Variants in SOAT1 observed in about 807,000 individuals in gnomAD.
SOAT1 encodes acyl-coenzyme A:cholesterol acyltransferase 1.
A neutral mutation model predicts 69.5 loss-of-function variants in SOAT1; 55 were observed. The observed-to-expected ratio is 0.79, with a 90% CI of 0.64 to 0.99. SOAT1 has a LOEUF of 0.99. Among genes scored for constraint, SOAT1 ranks in the 50% least tolerant of loss-of-function variants. The probability of loss-of-function intolerance (pLI) is 0.00; values close to 1 mark genes in which losing one functional copy is unlikely to be tolerated. For synonymous variants in SOAT1, 231 were observed against 224.7 expected (o/e 1.03, Z -0.25); for missense variants, 580 against 669.3 (o/e 0.87, Z 1.47).
chr1:179,335,475 C>A (rs1666114556), intron 3 of SOAT1, 31 bp from the exon 4 acceptor site: 4 of 1,588,532 alleles, frequency 2.5e-6, no homozygotes, highest in Admixed American at 1.7e-5. Flanking sequence ...TGTATTAGTT[C>A]CCCATCTTTT....
At chr1:179,352,663 C>T (rs1666777929) in intron 15 of SOAT1, among the ~76,000 whole-genome samples, 1 of 128,594 alleles carries the variant, frequency 7.8e-6, no homozygotes. Context: ...CTACAACCTT[C>T]CAGGTTTGGA....
At chr1:179,325,237 C>T (rs1396899258) in intron 3 of SOAT1, among the ~76,000 whole-genome samples, 4 of 148,548 alleles carry the variant, frequency 2.7e-5, no homozygotes, top group African/African-American at 7.4e-5. Flanking sequence ...GCAAGCTCCA[C>T]CTCCCGGGTT....
At chr1:179,323,565 A>G in intron 3 of SOAT1, 70 bp downstream of exon 3, 3 of 1,240,144 alleles carry the variant, frequency 2.4e-6, no homozygotes, top group Non-Finnish European at 3.5e-6. Context: ...TAACATTTTT[A>G]ATGCTAAATT....
chr1:179,324,247 A>G (rs759750897), intron 3 of SOAT1, among the ~76,000 whole-genome samples: 1 of 152,320 alleles, frequency 6.6e-6, no homozygotes, highest in Non-Finnish European at 1.5e-5. Context: ...TGTATGCCAG[A>G]TTATTTATAC....
chr1:179,350,359 C>T lies in SOAT1; in HGVS notation c.1378C>T (p.His460Tyr). The T allele has an allele frequency of 3.7e-6, 6 of 1,613,998 alleles. No individual in the cohort carries two copies. The highest frequency in any genetic ancestry group is 5.1e-6 in the Non-Finnish European group (6 of 1,179,926). Reference protein sequence around the residue: ...LAVFAVSAVVHEYALAVCLSF... With the variant: ...LAVFAVSAVVYEYALAVCLSF... ...TGTCTTTGCTGTATCTGCTGTAGTA[C>T]ACGAATATGCCTTGGCTGTTTGCTT... Residue 460 changes from histidine to tyrosine, a missense_variant, in exon 14 of 16, where the codon CAC becomes TAC. Transcript: ENST00000367619.
intron 2 of SOAT1, among the ~76,000 whole-genome samples, chr1:179,317,357 C>A (rs1665430365): frequency 6.6e-6 from 1 of 151,966 alleles, no homozygotes; most frequent in African/African-American, 2.4e-5. Context: ...CACAGTGAAA[C>A]CCTGTCTCTA....
intron 1 of SOAT1, among the ~76,000 whole-genome samples, chr1:179,295,723 T>G (rs1664607897): frequency 6.6e-6 from 1 of 152,172 alleles, no homozygotes; most frequent in Non-Finnish European, 1.5e-5. Context: ...TTTTGAAACT[T>G]TGCCTCCCAG....
At chr1:179,335,221 G>A (rs1231264618) in intron 3 of SOAT1, among the ~76,000 whole-genome samples, 2 of 152,066 alleles carry the variant, frequency 1.3e-5, no homozygotes, top group Non-Finnish European at 2.9e-5. Flanking sequence ...GCCGGCAGTG[G>A]TGGCGCACAC....
At chr1:179,306,830 CAAAAAAAAA>C (rs11461908) in intron 2 of SOAT1, among the ~76,000 whole-genome samples, 1 of 96,654 alleles carries the variant, frequency 1.0e-5, no homozygotes, top group Admixed American at 1.1e-4. Flanking sequence ...GACTCCATCT[CAAAAAAAAA>C]AAAAAAAAAA....
chr1:179,343,003 G>A, intron 9 of SOAT1, 60 bp downstream of exon 9: 1 of 1,341,964 alleles, frequency 7.5e-7, no homozygotes, highest in Non-Finnish European at 1.1e-6. Flanking sequence ...GAGTGAGGTG[G>A]GATAGGTAAA....
chr1:179,320,190 T>G (rs974033825), intron 2 of SOAT1, among the ~76,000 whole-genome samples: 7 of 152,200 alleles, frequency 4.6e-5, no homozygotes, highest in Admixed American at 1.3e-4. Flanking sequence ...TATTTGATCC[T>G]TTTTGAGTTA....
chr1:179,313,099 G>A (rs1665272856), intron 2 of SOAT1, among the ~76,000 whole-genome samples: 1 of 152,186 alleles, frequency 6.6e-6, no homozygotes, highest in African/African-American at 2.4e-5. Flanking sequence ...TAATGTGTGT[G>A]TACTTGTCTG....
At chr1:179,338,041 C>A in intron 5 of SOAT1, 145 bp downstream of exon 5, 1 of 492,146 alleles carries the variant, frequency 2.0e-6, no homozygotes, top group East Asian at 3.3e-5. Context: ...CTCTCTTGCT[C>A]CTTTCTGATC....
In SOAT1 at chr1:179,305,715, A is replaced by G. The variant is rs186501362; in HGVS notation, c.118+2913A>G. On this transcript the variant is annotated intron_variant, in intron 2 of 15. Coordinates refer to ENST00000367619, the MANE Select transcript of SOAT1 (RefSeq NM_003101.6). ...CCACCAGCAATGTATGAGGGTTCCA[A>G]TTTCTCCATATCCTCACCAAGACTT... Among the ~76,000 whole-genome samples the G allele has an allele frequency of 2.2e-3, 338 of 152,232 alleles. 4 individuals are homozygous for G. The highest frequency in any genetic ancestry group is 8.0e-3 in the African/African-American group (331 of 41,540).
intron 1 of SOAT1, among the ~76,000 whole-genome samples, chr1:179,297,663 G>C (rs528812711): frequency 1.3e-5 from 2 of 148,796 alleles, no homozygotes; most frequent in Non-Finnish European, 3.0e-5. Context: ...AAAGTAATGA[G>C]TAGAGAAAAT....
At chr1:179,334,461 A>AT (rs1273801387) in intron 3 of SOAT1, among the ~76,000 whole-genome samples, 1 of 152,092 alleles carries the variant, frequency 6.6e-6, no homozygotes, top group Non-Finnish European at 1.5e-5. Context: ...TCTTAAAAGT[A>AT]TTTGGAAAGC....
intron 11 of SOAT1, among the ~76,000 whole-genome samples, chr1:179,345,420 G>T (rs983262171): frequency 6.6e-6 from 1 of 152,098 alleles, no homozygotes; most frequent in African/African-American, 2.4e-5. Flanking sequence ...GTAACTTGTA[G>T]AAATTACTTG....
chr1:179,336,572 C>T (rs1666166595), intron 4 of SOAT1, among the ~76,000 whole-genome samples: 1 of 151,920 alleles, frequency 6.6e-6, no homozygotes. Flanking sequence ...AACAGTGATC[C>T]TATGAGACAG....
At chr1:179,348,760 ATGTGTGTGTGTGTG>A (rs71111912) in intron 12 of SOAT1, 70 bp from the exon 13 acceptor site, 13,192 of 588,970 alleles carry the variant, frequency 0.022, 85 homozygotes, top group African/African-American at 0.039. Context: ...TTCGGGTGGG[ATGTGTGTGTGTGTG>A]TGTGTGTGTG....
Sources: allele counts gnomAD v4.1 joint callset (sites outside exome capture counted in the v4.1 genomes callset), GRCh38; gene constraint gnomAD v4.1.1; transcripts MANE v1.5; gene names NCBI Gene and HGNC (gene_info 2026-07-23, HGNC 2026-07-21).